NWD1: variants seen among roughly 807,000 people sequenced by gnomAD.
NWD1 encodes NACHT domain- and WD repeat-containing protein 1.
Under a neutral mutation model 135.1 loss-of-function variants are expected in NWD1, and 129 were observed. The ratio of observed to expected loss-of-function variants is 0.96; its 90% CI spans 0.83 to 1.11. The LOEUF (loss-of-function observed/expected upper bound fraction) is 1.11, where lower values mean the gene tolerates loss of function less well. Ranked by LOEUF, NWD1 falls within the 50% of genes least tolerant of loss-of-function variation. NWD1 has a pLI of 0.00. For missense variants in NWD1, 1,740 were observed against 1,851.3 expected, an observed-to-expected ratio of 0.94 and a Z score of 1.10; for synonymous variants, 773 against 786.0, an observed-to-expected ratio of 0.98 and a Z score of 0.28.
chr19:16,768,516 C>T (rs1161899120), intron 10 of NWD1, among the ~76,000 whole-genome samples: 1 of 152,278 alleles, frequency 6.6e-6, no homozygotes, highest in South Asian at 2.1e-4. Context: ...ACAAAAGCTA[C>T]ACCATTTTAT....
Position 16,817,604 on chromosome 19 carries a change from A to G in NWD1, c.*2565A>G, listed in dbSNP as rs1247668573. ...GTGACAGAGACTCTGTCTCCAAAAA[A>G]AAAAAAAAAAAAAAGTAATGGCAAA... On this transcript the variant is annotated 3_prime_UTR_variant, in exon 19 of 19. Transcript: ENST00000524140. The G allele has an allele frequency of 6.6e-6, 1 of 151,744 alleles. No homozygotes were observed. Among genetic ancestry groups the G allele is most frequent in the East Asian group, 1.9e-4 (1 of 5,196 alleles). 9.4% of individuals were successfully genotyped at this position (151,744 alleles called of 1,614,324 possible). A position where few individuals can be genotyped will look rare whatever the true frequency, so the allele number is the denominator to read the frequency against.
intron 2 of NWD1, among the ~76,000 whole-genome samples, chr19:16,729,386 A>T (rs546216084): frequency 2.0e-5 from 3 of 151,580 alleles, no homozygotes; most frequent in South Asian, 2.1e-4. Context: ...CAGGACTATC[A>T]CTCTCACGGT....
chr19:16,786,412 A>T (rs1407610052), intron 12 of NWD1, among the ~76,000 whole-genome samples: 1 of 152,132 alleles, frequency 6.6e-6, no homozygotes, highest in Non-Finnish European at 1.5e-5. Context: ...AGTGATGCTG[A>T]GATTTGGGGT....
intron 16 of NWD1, among the ~76,000 whole-genome samples, chr19:16,798,339 G>A (rs1568389439): frequency 6.6e-6 from 1 of 152,130 alleles, no homozygotes; most frequent in Non-Finnish European, 1.5e-5. Flanking sequence ...ACTGTGCACA[G>A]TGGCTCATGC....
At chr19:16,745,838 G>T (rs996957863) in intron 5 of NWD1, among the ~76,000 whole-genome samples, 10 of 152,160 alleles carry the variant, frequency 6.6e-5, no homozygotes, top group African/African-American at 1.9e-4. Context: ...GATCGCTGGA[G>T]CCCGGGAGTT....
At chr19:16,804,038 A>G (rs935135398) in intron 17 of NWD1, among the ~76,000 whole-genome samples, 1 of 152,206 alleles carries the variant, frequency 6.6e-6, no homozygotes, top group African/African-American at 2.4e-5. Context: ...GTTTTAATTC[A>G]GGTTACCTAG....
chr19:16,806,029 C>A (rs1432845010), intron 17 of NWD1, among the ~76,000 whole-genome samples: 1 of 151,992 alleles, frequency 6.6e-6, no homozygotes, highest in African/African-American at 2.4e-5. Flanking sequence ...CCTGCCACCA[C>A]GCCTGGTTAA....
At chr19:16,742,895 A>G (rs887528244) in intron 4 of NWD1, among the ~76,000 whole-genome samples, 1 of 142,502 alleles carries the variant, frequency 7.0e-6, no homozygotes, top group Non-Finnish European at 1.5e-5. Flanking sequence ...TATTATTATT[A>G]TTATTATTAT....
intron 17 of NWD1, among the ~76,000 whole-genome samples, chr19:16,805,458 T>C (rs1304966335): frequency 2.0e-5 from 3 of 151,868 alleles, no homozygotes; most frequent in Non-Finnish European, 4.4e-5. Context: ...CCTCCCAAAG[T>C]GCTGGGATTA....
rs1315275018 is a variant in NWD1 at position 16,763,832 on chromosome 19, C to T, written c.2138C>T (p.Ala713Val). ...GKPLNLDRKV[A>V]PQPLWFSHTV... ...GTCTCCCTTCTCCTCTGCCAGGTGG[C>T]CCCGCAGCCTCTGTGGTTCTCACAT... is the stretch of plus-strand genomic sequence containing the variant. The change falls in exon 9 of 19, where the codon GCC becomes GTC. Residue 713 changes from alanine to valine, a missense_variant. Physicochemically the swap from Ala to Val is moderately conservative, Grantham distance 64. Coordinates refer to ENST00000524140, the MANE Select transcript of NWD1 (RefSeq NM_001007525.5). The T allele has an allele frequency of 1.2e-6, 2 of 1,609,144 alleles. No individual in the cohort carries two copies. The highest frequency in any genetic ancestry group is 2.2e-5 in the South Asian group (2 of 90,940).
At chr19:16,755,468 A>C (rs558405345) in intron 6 of NWD1, among the ~76,000 whole-genome samples, 89 of 152,254 alleles carry the variant, frequency 5.8e-4, no homozygotes, top group African/African-American at 2.1e-3. Context: ...AGCTCACTGC[A>C]ACCTCCGCCT....
rs1967079020 is a variant in NWD1, at chr19:16,719,930, G to A, written c.-468G>A. On this transcript the variant is annotated 5_prime_UTR_variant, in exon 1 of 19. Transcript: ENST00000524140. ...AGGATAGCCAGGGGCTTGTCTTCCG[G>A]GTGGCGCCGAGGCCAGGAAACTGTC... 2.0e-5 allele frequency: 3 copies of A among 152,318 alleles called. No homozygotes were observed. In the South Asian group the frequency reaches 6.2e-4, roughly 32 times the overall value. The allele number at this position is 152,318 out of a possible 1,614,324, so 9.4% of individuals were successfully genotyped here.
chr19:16,738,767 TG>T (rs1276722761), intron 4 of NWD1, among the ~76,000 whole-genome samples: 6 of 110,222 alleles, frequency 5.4e-5, no homozygotes, highest in Non-Finnish European at 9.6e-5. Flanking sequence ...TATAATATAA[TG>T]ATATATAATA....
At chr19:16,732,382 G>A (rs529499484) in intron 3 of NWD1, among the ~76,000 whole-genome samples, 3 of 152,050 alleles carry the variant, frequency 2.0e-5, no homozygotes, top group South Asian at 4.2e-4. Flanking sequence ...TTAACTGTCT[G>A]TTGTTGTTGC....
At chr19:16,759,003 CAAAAAAAAA>C (rs58283462) in intron 6 of NWD1, among the ~76,000 whole-genome samples, 44 of 74,942 alleles carry the variant, frequency 5.9e-4, no homozygotes, top group African/African-American at 1.8e-3. Flanking sequence ...AACTCTGTCT[CAAAAAAAAA>C]AAAAAAAAAA....
chr19:16,768,393 A>T lies in NWD1; in HGVS notation c.2410+3201A>T, dbSNP rs779834170. ...TATGCCACATTTTGTTTATCCGTTC[A>T]TCTGTCTGTGGACATTTGTGTGTTT... On this transcript the variant is annotated intron_variant, in intron 10 of 18. Coordinates refer to ENST00000524140, the MANE Select transcript of NWD1 (RefSeq NM_001007525.5). Among the ~76,000 whole-genome samples, 9 of 152,222 alleles carry T rather than the reference A, an allele frequency of 5.9e-5. 1 individual carries two copies. The highest frequency in any genetic ancestry group is 2.2e-4 in the African/African-American group (9 of 41,542).
At chr19:16,720,579 C>T (rs1189952230) in intron 1 of NWD1, among the ~76,000 whole-genome samples, 4 of 151,710 alleles carry the variant, frequency 2.6e-5, no homozygotes, top group Admixed American at 1.3e-4. Flanking sequence ...TTTTTTGAGA[C>T]GGAGTCTCGC....
intron 4 of NWD1, among the ~76,000 whole-genome samples, chr19:16,737,188 C>A (rs903119706): frequency 6.6e-6 from 1 of 152,112 alleles, no homozygotes; most frequent in African/African-American, 2.4e-5. Context: ...TCCAATTGCA[C>A]CCCTTCTATC....
chr19:16,736,578 A>G, intron 3 of NWD1, 56 bp from the exon 4 acceptor site: 5 of 1,167,888 alleles, frequency 4.3e-6, no homozygotes, highest in Non-Finnish European at 6.2e-6. Flanking sequence ...AGGGATTGAA[A>G]AAACAAATCA....
Sources: gnomAD v4.1 joint callset for allele counts (sites outside exome capture counted in the v4.1 genomes callset) on GRCh38, gnomAD v4.1.1 for gene constraint, MANE v1.5 for transcripts, NCBI Gene and HGNC (gene_info 2026-07-23, HGNC 2026-07-21) for gene names.